The following MAGEB10 variants were observed in gnomAD, a reference collection of about 807,000 sequenced individuals.
The protein encoded by MAGEB10 is melanoma-associated antigen B10.
For synonymous variants in MAGEB10, 99 were observed against 101.0 expected (o/e 0.98, Z 0.12); for missense variants, 190 against 261.9 (o/e 0.73, Z 1.89).
intron 1 of MAGEB10, among the ~76,000 whole-genome samples, chrX:27,816,091 G>A (rs970844363): frequency 9.0e-6 from 1 of 110,769 alleles, no homozygotes; most frequent in Admixed American, 9.7e-5. Context: ...CCTGTCTCAC[G>A]CTTGGAATTT....
intron 1 of MAGEB10, among the ~76,000 whole-genome samples, chrX:27,808,779 G>A (rs1245705847): frequency 9.0e-6 from 1 of 111,669 alleles, no homozygotes; most frequent in Non-Finnish European, 1.9e-5. Flanking sequence ...AATAAAGGGT[G>A]AGTTCCATAA....
chrX:27,817,420 G>T (rs986081559), intron 1 of MAGEB10, 134 bp from the exon 2 acceptor site: 1 of 110,865 alleles, frequency 9.0e-6, no homozygotes, highest in East Asian at 2.8e-4. Flanking sequence ...TTTAAATCCT[G>T]CATGTAGTAT....
At chrX:27,810,599 G>T (rs745936443) in intron 1 of MAGEB10, among the ~76,000 whole-genome samples, 4 of 111,179 alleles carry the variant, frequency 3.6e-5, no homozygotes, top group Non-Finnish European at 7.5e-5. Flanking sequence ...TTCTGGTGGT[G>T]GTCGTGGGGA....
chrX:27,818,495 C>T (rs1923822980), intron 2 of MAGEB10, among the ~76,000 whole-genome samples: 1 of 111,720 alleles, frequency 9.0e-6, no homozygotes, highest in African/African-American at 3.3e-5. Context: ...TTTCCTGAGA[C>T]GAACTACCTC....
At chrX:27,809,173 G>T (rs899756075) in intron 1 of MAGEB10, among the ~76,000 whole-genome samples, 2 of 111,504 alleles carry the variant, frequency 1.8e-5, no homozygotes, top group African/African-American at 6.5e-5. Context: ...GCTGCACGTG[G>T]TGCTTGCGGG....
At chrX:27,816,577 A>AT (rs1395696711) in intron 1 of MAGEB10, among the ~76,000 whole-genome samples, 1 of 111,643 alleles carries the variant, frequency 9.0e-6, no homozygotes, top group East Asian at 2.8e-4. Flanking sequence ...GAAGGAAGAA[A>AT]TTTTTCAGTC....
In MAGEB10 at chrX:27,817,011, C is replaced by T. The variant is rs747171716; in HGVS notation, c.-198-543C>T. On this transcript the variant is annotated intron_variant, in intron 1 of 2. Coordinates refer to ENST00000356790, the MANE Select transcript of MAGEB10 (RefSeq NM_182506.3). ...AAATATGAACAGTAGCATGCTTTTC[C>T]CTTTCAGATCAAAGTGTTTGAGAGC... Among the ~76,000 whole-genome samples, 3 of 109,300 alleles carry T rather than the reference C, an allele frequency of 2.7e-5. No individual in the cohort carries two copies. The East Asian group carries it at 8.6e-4, about 31-fold the overall frequency. The allele number at this position is 109,300 out of a possible 115,157, so 94.9% of individuals were successfully genotyped here. A position where few individuals can be genotyped will look rare whatever the true frequency, so the allele number is the denominator to read the frequency against.
In MAGEB10 at chrX:27,821,924, T is replaced by C. The variant is rs1225398224; in HGVS notation, c.618T>C (p.Thr206=). ...TGCCCAAGACTGGCCTGCTGATGAC[T>C]GTCCTGGGTATTATCTTCACAAATG... ...TGVPKTGLLM[T]VLGIIFTNGN... Residue 206 remains threonine (T), a synonymous_variant, in exon 3 of 3, where the codon ACT becomes ACC. Coordinates refer to ENST00000356790, the MANE Select transcript of MAGEB10 (RefSeq NM_182506.3). 2 of 1,211,974 alleles carry C rather than the reference T, an allele frequency of 1.7e-6. No homozygotes were observed. The highest frequency in any genetic ancestry group is 2.2e-5 in the Admixed American group (1 of 46,027).
At chrX:27,809,620 C>T (rs1303493245) in intron 1 of MAGEB10, among the ~76,000 whole-genome samples, 1 of 54,222 alleles carries the variant, frequency 1.8e-5, no homozygotes, top group Non-Finnish European at 3.3e-5. Flanking sequence ...TGACGAGCGC[C>T]GCCCCCCGCT....
rs763058443 is a variant in MAGEB10 at position 27,814,395 on chromosome X, A to G, written c.-198-3159A>G. Among the ~76,000 whole-genome samples the G allele has an allele frequency of 1.5e-4, 17 of 111,788 alleles. No individual in the cohort carries two copies. The South Asian group carries it at 6.0e-3, about 39-fold the overall frequency. Reference sequence around the variant, plus strand: ...AAGGAATTAGTCTTTGACATAAATTATAGGAGTCTTGAATCCAACTGGGGA... The same window carrying G: ...AAGGAATTAGTCTTTGACATAAATTGTAGGAGTCTTGAATCCAACTGGGGA... On this transcript the variant is annotated intron_variant, in intron 1 of 2. Transcript: ENST00000356790.
intron 1 of MAGEB10, among the ~76,000 whole-genome samples, chrX:27,815,872 C>T (rs1923775885): frequency 8.9e-6 from 1 of 111,800 alleles, no homozygotes; most frequent in African/African-American, 3.3e-5. Context: ...GCTGTCAAAG[C>T]CTGGCTTCTT....
intron 1 of MAGEB10, among the ~76,000 whole-genome samples, chrX:27,814,222 G>A (rs1923741065): frequency 9.0e-6 from 1 of 111,286 alleles, no homozygotes; most frequent in Non-Finnish European, 1.9e-5. Flanking sequence ...ACCCCAACAG[G>A]ACCCGGTGTG....
At chrX:27,809,692 C>T (rs1161345889) in intron 1 of MAGEB10, among the ~76,000 whole-genome samples, 1 of 90,951 alleles carries the variant, frequency 1.1e-5, no homozygotes, top group African/African-American at 4.1e-5. Flanking sequence ...TGGCGCGGGA[C>T]TGGCAGGCAG....
intron 2 of MAGEB10, among the ~76,000 whole-genome samples, chrX:27,820,147 C>G (rs775006180): frequency 9.0e-6 from 1 of 111,565 alleles, no homozygotes; most frequent in South Asian, 3.8e-4. Context: ...GAAGGAACCA[C>G]CCACCACAAA....
rs1349358041 is a variant in MAGEB10 at position 27,822,547 on chromosome X, A to G, written c.*197A>G. On this transcript the variant is annotated 3_prime_UTR_variant, in exon 3 of 3. Transcript: ENST00000356790. ...TTCACTATCTAAGTTTATGAATGAC[A>G]TTGCTCAAATTTTTCTGTATGTGAG... 4.9e-6 allele frequency: 2 copies of G among 411,580 alleles called. No homozygotes were observed. The highest frequency in any genetic ancestry group is 8.3e-6 in the Non-Finnish European group (2 of 239,591). 33.9% of individuals were successfully genotyped at this position (411,580 alleles called of 1,213,427 possible).
Position 27,821,514 on chromosome X carries a change from A to T in MAGEB10, c.208A>T (p.Thr70Ser), listed in dbSNP as rs754500583. The change falls in exon 3 of 3, where the codon ACC (threonine) becomes TCC (serine). Residue 70 changes from threonine to serine, a missense_variant. Coordinates refer to ENST00000356790, the MANE Select transcript of MAGEB10 (RefSeq NM_182506.3). The stretch of plus-strand genomic sequence containing the variant: ...CCATGGACTTCGGGAAGCCCAATCC[A>T]CCAGCACATCTGCTACAGCTGCTTC... ...NPHGLREAQS[T>S]STSATAASHT... 2 of 1,211,370 alleles carry T rather than the reference A, an allele frequency of 1.7e-6. No individual in the cohort carries two copies. Among genetic ancestry groups the T allele is most frequent in the Middle Eastern group, 2.3e-4 (1 of 4,353 alleles).
At chrX:27,810,784 C>A (rs376231601) in intron 1 of MAGEB10, among the ~76,000 whole-genome samples, 3 of 109,597 alleles carry the variant, frequency 2.7e-5, no homozygotes, top group African/African-American at 1.0e-4. Flanking sequence ...GCATGACTCT[C>A]GGCTAAGGTA....
chrX:27,812,755 T>G, intron 1 of MAGEB10: 1 of 368,434 alleles, frequency 2.7e-6, no homozygotes, highest in Non-Finnish European at 5.5e-6. Context: ...CTAGAGTTTT[T>G]GGCCAAGATC....
chrX:27,816,567 G>A (rs1331323208), intron 1 of MAGEB10, among the ~76,000 whole-genome samples: 1 of 111,796 alleles, frequency 8.9e-6, no homozygotes, highest in Non-Finnish European at 1.9e-5. Flanking sequence ...TACATCAAAA[G>A]AAGGAAGAAA....
Sources: allele counts gnomAD v4.1 joint callset (sites outside exome capture counted in the v4.1 genomes callset), GRCh38; gene constraint gnomAD v4.1.1; transcripts MANE v1.5; gene names NCBI Gene and HGNC (gene_info 2026-07-23, HGNC 2026-07-21).